Variants in SACM1L observed in about 807,000 individuals in gnomAD.
SACM1L encodes the protein phosphatidylinositol-3-phosphatase SAC1.
Under a neutral mutation model 89.5 loss-of-function variants are expected in SACM1L, and 32 were observed. That is an observed-to-expected ratio of 0.36 (90% CI 0.27 to 0.48). SACM1L has a LOEUF of 0.48. Ranked by LOEUF, SACM1L falls within the 20% of genes least tolerant of loss-of-function variation. The probability of loss-of-function intolerance (pLI) is 0.99; values close to 1 mark genes in which losing one functional copy is unlikely to be tolerated. For missense variants in SACM1L, 543 were observed against 708.5 expected, an observed-to-expected ratio of 0.77 and a Z score of 2.65; for synonymous variants, 213 against 232.8, an observed-to-expected ratio of 0.92 and a Z score of 0.77.
At chr3:45,720,105 A>G in intron 8 of SACM1L, among the ~76,000 whole-genome samples, 1 of 152,098 alleles carries the variant, frequency 6.6e-6, no homozygotes, top group African/African-American at 2.4e-5. Flanking sequence ...AGTTTCTCCA[A>G]CCTTTGTATT....
At chr3:45,698,572 C>T (rs886847772) in intron 1 of SACM1L, among the ~76,000 whole-genome samples, 1 of 151,900 alleles carries the variant, frequency 6.6e-6, no homozygotes, top group African/African-American at 2.4e-5. Flanking sequence ...TTTTTTGAGA[C>T]AAAGTCTCGC....
At chr3:45,740,817 A>G (rs1374952945) in intron 19 of SACM1L, among the ~76,000 whole-genome samples, 1 of 152,166 alleles carries the variant, frequency 6.6e-6, no homozygotes, top group East Asian at 1.9e-4. Context: ...AATGGCTGCA[A>G]AGTATTCCAT....
At chr3:45,739,484 A>G in intron 18 of SACM1L, 103 bp from the exon 19 acceptor site, 1 of 976,674 alleles carries the variant, frequency 1.0e-6, no homozygotes, top group Non-Finnish European at 1.7e-6. Context: ...GTATTAGCTG[A>G]CAGATGAGTT....
At chr3:45,708,612 A>C (rs1383235118) in intron 4 of SACM1L, among the ~76,000 whole-genome samples, 1 of 151,912 alleles carries the variant, frequency 6.6e-6, no homozygotes, top group East Asian at 1.9e-4. Context: ...CAATATCTTC[A>C]TTCTCTACTA....
chr3:45,712,811 T>G (rs1160122599), intron 5 of SACM1L, among the ~76,000 whole-genome samples: 3 of 42,070 alleles, frequency 7.1e-5, no homozygotes, highest in Admixed American at 7.1e-4. Flanking sequence ...GAAGGTGTGT[T>G]AGTTAGGCTG....
At chr3:45,736,936 G>A (rs1394757221) in intron 14 of SACM1L, among the ~76,000 whole-genome samples, 6 of 152,138 alleles carry the variant, frequency 3.9e-5, no homozygotes, top group Non-Finnish European at 8.8e-5. Flanking sequence ...TCCTTCTGAG[G>A]TGGAGATGAG....
At chr3:45,728,936 A>G (rs1380655532) in intron 11 of SACM1L, among the ~76,000 whole-genome samples, 3 of 152,060 alleles carry the variant, frequency 2.0e-5, no homozygotes, top group Non-Finnish European at 4.4e-5. Flanking sequence ...AGCCTACCAA[A>G]GTGCTAGGAT....
In SACM1L at chr3:45,708,597, T is replaced by C. The variant is rs191363796; in HGVS notation, c.334-901T>C. On this transcript the variant is annotated intron_variant, in intron 4 of 19. Coordinates refer to ENST00000389061, the MANE Select transcript of SACM1L (RefSeq NM_014016.5). ...TTTTTATTATATATATCAAGAAATA[T>C]ATATCAATATCTTCATTCTCTACTA... is the stretch of plus-strand genomic sequence containing the variant. Among the ~76,000 whole-genome samples the C allele has an allele frequency of 3.9e-5, 6 of 152,128 alleles. No individual in the cohort carries two copies. The East Asian group carries it at 9.6e-4, about 24-fold the overall frequency.
chr3:45,741,760 T>A (rs191200776), intron 19 of SACM1L, among the ~76,000 whole-genome samples: 1 of 152,348 alleles, frequency 6.6e-6, no homozygotes, highest in East Asian at 1.9e-4. Flanking sequence ...AGGTAGTAAA[T>A]ATTTTTGTCT....
At chr3:45,740,465 A>G (rs1699290094) in intron 19 of SACM1L, among the ~76,000 whole-genome samples, 2 of 152,184 alleles carry the variant, frequency 1.3e-5, no homozygotes, top group South Asian at 2.1e-4. Context: ...GTGGCCCACT[A>G]TCTTTGCAGC....
At position 45,705,011 on chromosome 3, in the gene SACM1L, GC is replaced by G; in HGVS notation, c.131-123del. ...TAGTGCATTTAAGTTAAGGAATGTT[GC>G]TTTTCTTAGAACAAATCATGCAAAT... On this transcript the variant is annotated intron_variant, in intron 2 of 19. Transcript: ENST00000389061. 3 of 611,676 alleles carry G rather than the reference GC, an allele frequency of 4.9e-6. 1 individual carries two copies. The Middle Eastern group carries it at 9.3e-4, about 189-fold the overall frequency. 37.9% of individuals were successfully genotyped at this position (611,676 alleles called of 1,614,324 possible).
intron 1 of SACM1L, among the ~76,000 whole-genome samples, chr3:45,696,034 G>T (rs894490614): frequency 5.9e-5 from 8 of 136,520 alleles, no homozygotes; most frequent in African/African-American, 1.9e-4. Flanking sequence ...GTCTCGCTCT[G>T]TTGCCTATGC....
At chr3:45,702,971 G>A (rs939797063) in intron 1 of SACM1L, among the ~76,000 whole-genome samples, 8 of 152,186 alleles carry the variant, frequency 5.3e-5, no homozygotes, top group Middle Eastern at 3.4e-3. Context: ...CTTACTATGC[G>A]TCAGATGTTC....
intron 5 of SACM1L, among the ~76,000 whole-genome samples, chr3:45,710,024 C>T (rs1437568405): frequency 2.0e-5 from 3 of 152,122 alleles, no homozygotes; most frequent in Non-Finnish European, 2.9e-5. Context: ...AATTTCTTAA[C>T]TCTCAGTGTT....
chr3:45,720,814 G>A (rs1698772741), intron 8 of SACM1L, among the ~76,000 whole-genome samples: 1 of 152,146 alleles, frequency 6.6e-6, no homozygotes, highest in Non-Finnish European at 1.5e-5. Flanking sequence ...GCCCCTTCTG[G>A]TGATATGGTA....
chr3:45,708,991 C>T (rs1698460470), intron 4 of SACM1L, among the ~76,000 whole-genome samples: 1 of 152,174 alleles, frequency 6.6e-6, no homozygotes, highest in Non-Finnish European at 1.5e-5. Context: ...TTCCATTTTA[C>T]TTCTCGTCCA....
chr3:45,694,081 C>T (rs558429413), intron 1 of SACM1L, among the ~76,000 whole-genome samples: 5 of 152,226 alleles, frequency 3.3e-5, no homozygotes, highest in African/African-American at 4.8e-5. Context: ...CTTCTTAGGC[C>T]CCTCAGACCT....
chr3:45,706,686 C>T (rs747089458), intron 3 of SACM1L, 94 bp from the exon 4 acceptor site: 28 of 1,077,158 alleles, frequency 2.6e-5, no homozygotes, highest in Non-Finnish European at 3.7e-5. Context: ...TAGTCTCATT[C>T]TACTAGCCTT....
At chr3:45,696,650 GT>G (rs1043978698) in intron 1 of SACM1L, among the ~76,000 whole-genome samples, 14 of 147,892 alleles carry the variant, frequency 9.5e-5, no homozygotes, top group South Asian at 8.5e-4. Flanking sequence ...TCCTGGGTTT[GT>G]TTTTTTTTTC....
Sources: gnomAD v4.1 joint callset for allele counts (sites outside exome capture counted in the v4.1 genomes callset) on GRCh38, gnomAD v4.1.1 for gene constraint, MANE v1.5 for transcripts, NCBI Gene and HGNC (gene_info 2026-07-23, HGNC 2026-07-21) for gene names.